Variants in CTNNA3 observed in about 807,000 individuals in gnomAD.
CTNNA3 encodes the protein catenin alpha-3.
In CTNNA3, 76 loss-of-function variants were observed where a neutral mutation model predicts 95.7. The ratio of observed to expected loss-of-function variants is 0.79; its 90% CI spans 0.66 to 0.96. The LOEUF (loss-of-function observed/expected upper bound fraction) is 0.96, where lower values mean the gene tolerates loss of function less well. Among genes scored for constraint, CTNNA3 ranks in the 40% least tolerant of loss-of-function variants. The pLI, the probability that CTNNA3 is intolerant of heterozygous loss-of-function variation, is 0.00. For synonymous variants in CTNNA3, 431 were observed against 374.4 expected, an observed-to-expected ratio of 1.15 and a Z score of -1.74; for missense variants, 1,191 against 1,089.8, an observed-to-expected ratio of 1.09 and a Z score of -1.31.
chr10:66,972,125 T>C (rs1241414190), intron 7 of CTNNA3, among the ~76,000 whole-genome samples: 1 of 152,186 alleles, frequency 6.6e-6, no homozygotes, highest in Non-Finnish European at 1.5e-5. Context: ...CTACTCCTTA[T>C]GATAGAATAT....
At chr10:67,276,625 C>T (rs908075675) in intron 5 of CTNNA3, among the ~76,000 whole-genome samples, 3 of 151,982 alleles carry the variant, frequency 2.0e-5, no homozygotes, top group Non-Finnish European at 4.4e-5. Context: ...AGAAAGTAAA[C>T]TATATAAAAT....
At chr10:66,359,672 C>T (rs971641398) in intron 12 of CTNNA3, among the ~76,000 whole-genome samples, 2 of 152,094 alleles carry the variant, frequency 1.3e-5, no homozygotes, top group African/African-American at 4.8e-5. Context: ...CCCCCCCAAA[C>T]ATTCATTCTT....
chr10:67,691,248 C>A (rs1840845507), intron 1 of CTNNA3, among the ~76,000 whole-genome samples: 1 of 152,196 alleles, frequency 6.6e-6, no homozygotes, highest in Non-Finnish European at 1.5e-5. Flanking sequence ...ACTACAACCT[C>A]CACCTCCCAG....
chr10:66,265,656 C>T (rs1205538301), intron 13 of CTNNA3, among the ~76,000 whole-genome samples: 1 of 151,924 alleles, frequency 6.6e-6, no homozygotes, highest in Non-Finnish European at 1.5e-5. Flanking sequence ...CTCTTCTCTG[C>T]CTGAAACATT....
At chr10:66,550,906 C>T (rs1319588146) in intron 10 of CTNNA3, among the ~76,000 whole-genome samples, 1 of 151,542 alleles carries the variant, frequency 6.6e-6, no homozygotes, top group African/African-American at 2.4e-5. Flanking sequence ...TAATATAAAA[C>T]GTAGAAATGC....
At chr10:66,973,426 A>G (rs1467064045) in intron 7 of CTNNA3, among the ~76,000 whole-genome samples, 1 of 152,212 alleles carries the variant, frequency 6.6e-6, no homozygotes, top group Admixed American at 6.5e-5. Flanking sequence ...TAAATTGAAC[A>G]ATAAAGTATC....
At chr10:66,375,456 A>G (rs767711924) in intron 12 of CTNNA3, among the ~76,000 whole-genome samples, 1 of 152,128 alleles carries the variant, frequency 6.6e-6, no homozygotes, top group Non-Finnish European at 1.5e-5. Flanking sequence ...GCCACATAAA[A>G]ATTCTTTGAG....
intron 7 of CTNNA3, among the ~76,000 whole-genome samples, chr10:66,835,851 G>A (rs961969073): frequency 1.3e-5 from 2 of 152,098 alleles, no homozygotes; most frequent in Admixed American, 1.3e-4. Flanking sequence ...TGTTAAAGGG[G>A]AATCCTGAGA....
chr10:67,057,353 T>C (rs1855500370), intron 7 of CTNNA3, among the ~76,000 whole-genome samples: 1 of 152,150 alleles, frequency 6.6e-6, no homozygotes, highest in Non-Finnish European at 1.5e-5. Flanking sequence ...ATAGTCACCA[T>C]GCTGTGCATG....
intron 12 of CTNNA3, among the ~76,000 whole-genome samples, chr10:66,304,149 A>T (rs900585072): frequency 5.3e-5 from 8 of 152,162 alleles, no homozygotes; most frequent in African/African-American, 1.9e-4. Context: ...TGGGGGGAAG[A>T]AGCTCAATCT....
intron 5 of CTNNA3, among the ~76,000 whole-genome samples, chr10:67,376,667 A>G (rs1466733466): frequency 2.0e-5 from 3 of 152,214 alleles, no homozygotes; most frequent in African/African-American, 7.2e-5. Flanking sequence ...TTAAGTTAGG[A>G]CGTAGACAAA....
At position 66,876,610 on chromosome 10, in the gene CTNNA3, T is replaced by C. The variant is rs916047097; in HGVS notation, c.1048-101086A>G. Among the ~76,000 whole-genome samples, 6 of 152,284 alleles carry C rather than the reference T, an allele frequency of 3.9e-5. No individual in the cohort carries two copies. The East Asian group carries it at 9.7e-4, about 25-fold the overall frequency. ...AATATGTTATAGTCTTCAACTCACC[T>C]GCAGCCATGATTGAAATCTGGGCCT... On this transcript the variant is annotated intron_variant, in intron 7 of 17. Transcript: ENST00000433211.
intron 7 of CTNNA3, among the ~76,000 whole-genome samples, chr10:66,801,943 C>A (rs549034646): frequency 1.3e-5 from 2 of 151,652 alleles, no homozygotes; most frequent in South Asian, 4.2e-4. Context: ...GAAAGAGATT[C>A]ATATTTACAT....
chr10:66,189,674 T>G (rs1198009627), intron 13 of CTNNA3, among the ~76,000 whole-genome samples: 2 of 148,180 alleles, frequency 1.3e-5, no homozygotes, highest in African/African-American at 5.1e-5. Flanking sequence ...ATATATATTG[T>G]TTCTTCATTT....
chr10:66,614,473 T>C (rs1189661563), intron 10 of CTNNA3, among the ~76,000 whole-genome samples: 1 of 151,976 alleles, frequency 6.6e-6, no homozygotes, highest in East Asian at 1.9e-4. Context: ...ATACAAGTGA[T>C]CTCCAGTGCA....
intron 13 of CTNNA3, among the ~76,000 whole-genome samples, chr10:66,259,085 C>A (rs1393604537): frequency 6.6e-6 from 1 of 152,090 alleles, no homozygotes; most frequent in Non-Finnish European, 1.5e-5. Context: ...TGGTCTCTGC[C>A]TTTTTAATGC....
intron 17 of CTNNA3, among the ~76,000 whole-genome samples, chr10:65,966,079 G>A (rs1429564343): frequency 6.6e-6 from 1 of 151,844 alleles, no homozygotes; most frequent in Non-Finnish European, 1.5e-5. Context: ...TTAAAACTCA[G>A]GGCCACCAAA....
At chr10:66,622,467 C>A (rs932115335) in intron 9 of CTNNA3, among the ~76,000 whole-genome samples, 1 of 152,066 alleles carries the variant, frequency 6.6e-6, no homozygotes, top group Non-Finnish European at 1.5e-5. Flanking sequence ...TGACCTAAAT[C>A]CAAGGTTTAC....
intron 5 of CTNNA3, among the ~76,000 whole-genome samples, chr10:67,328,375 G>A (rs1255876099): frequency 6.6e-6 from 1 of 152,190 alleles, no homozygotes; most frequent in African/African-American, 2.4e-5. Context: ...GGGGTTCTCA[G>A]GTCAGACTGG....
Sources: gnomAD v4.1 joint callset for allele counts (sites outside exome capture counted in the v4.1 genomes callset) on GRCh38, gnomAD v4.1.1 for gene constraint, MANE v1.5 for transcripts, NCBI Gene and HGNC (gene_info 2026-07-23, HGNC 2026-07-21) for gene names.